The following SRBD1 variants were observed in gnomAD, a reference collection of about 807,000 sequenced individuals.
The protein encoded by SRBD1 is S1 RNA-binding domain-containing protein 1.
Under a neutral mutation model 115.3 loss-of-function variants are expected in SRBD1, and 88 were observed. The observed-to-expected ratio is 0.76, with a 90% CI of 0.64 to 0.91. SRBD1 has a LOEUF of 0.91. Ranked by LOEUF, SRBD1 falls within the 40% of genes least tolerant of loss-of-function variation. SRBD1 has a pLI of 0.00. For missense variants in SRBD1, 1,385 were observed against 1,177.4 expected (o/e 1.18, Z -2.58); for synonymous variants, 509 against 407.7 (o/e 1.25, Z -2.99).
chr2:45,444,742 T>C (rs1263507852), intron 16 of SRBD1, among the ~76,000 whole-genome samples: 1 of 152,212 alleles, frequency 6.6e-6, no homozygotes, highest in Non-Finnish European at 1.5e-5. Context: ...AATGTACTTC[T>C]CAACTGCTCA....
At chr2:45,529,506 G>A (rs1054225021) in intron 14 of SRBD1, among the ~76,000 whole-genome samples, 4 of 151,438 alleles carry the variant, frequency 2.6e-5, no homozygotes, top group African/African-American at 4.9e-5. Context: ...TTTGAACAGG[G>A]GTCCCTAACA....
intron 13 of SRBD1, 129 bp from the exon 14 acceptor site, chr2:45,546,968 T>C (rs1572759829): frequency 1.2e-6 from 1 of 817,258 alleles, no homozygotes; most frequent in East Asian, 2.6e-5. Flanking sequence ...AAGCAACCTG[T>C]CCACTGTTGC....
At chr2:45,607,496 G>C (rs1036770964) in intron 1 of SRBD1, among the ~76,000 whole-genome samples, 8 of 152,120 alleles carry the variant, frequency 5.3e-5, no homozygotes, top group Non-Finnish European at 8.8e-5. Flanking sequence ...GGGAAATGGA[G>C]GTTTTCCTAA....
intron 1 of SRBD1, among the ~76,000 whole-genome samples, chr2:45,606,928 A>C (rs536268653): frequency 6.6e-6 from 1 of 152,176 alleles, no homozygotes; most frequent in African/African-American, 2.4e-5. Flanking sequence ...AAGAGGAAAT[A>C]ATCTCTCATG....
At position 45,585,650 on chromosome 2, in the gene SRBD1, G is replaced by A. The variant is rs751597016; in HGVS notation, c.773C>T (p.Ala258Val). 2.5e-6 allele frequency: 4 copies of A among 1,611,660 alleles called. No individual in the cohort carries two copies. In the South Asian group the frequency reaches 3.3e-5, roughly 13 times the overall value. The change falls in exon 5 of 21, where the codon GCT becomes GTT. Residue 258 changes from alanine (A) to valine (V), a missense_variant. By Grantham distance (64) the Ala-to-Val change is moderately conservative. Transcript: ENST00000263736. ...YRKELINNLD[A>V]DSLREVQQTL... Reference sequence around the variant, plus strand: ...TTGCTGAACTTCTCTCAAGGAATCAGCATCAAGGTTATTAATGAGCTCTTT... The same window carrying A: ...TTGCTGAACTTCTCTCAAGGAATCAACATCAAGGTTATTAATGAGCTCTTT...
At chr2:45,482,589 G>C (rs545971770) in intron 15 of SRBD1, among the ~76,000 whole-genome samples, 117 of 148,862 alleles carry the variant, frequency 7.9e-4, no homozygotes, top group Non-Finnish European at 1.5e-3. Flanking sequence ...TCAAATCATG[G>C]AGAAAAACCT....
chr2:45,408,683 G>T (rs943276233), intron 19 of SRBD1, among the ~76,000 whole-genome samples: 2 of 152,122 alleles, frequency 1.3e-5, no homozygotes, highest in African/African-American at 4.8e-5. Context: ...GAGCCACAAA[G>T]ACTTTTAAGC....
intron 4 of SRBD1, among the ~76,000 whole-genome samples, chr2:45,595,357 A>G (rs528675114): frequency 3.2e-4 from 48 of 152,240 alleles, no homozygotes; most frequent in Non-Finnish European, 5.7e-4. Context: ...ACATTTCCAC[A>G]TGTTCAACTA....
At chr2:45,486,330 T>C (rs1670117760) in intron 15 of SRBD1, among the ~76,000 whole-genome samples, 1 of 152,208 alleles carries the variant, frequency 6.6e-6, no homozygotes, top group South Asian at 2.1e-4. Context: ...GATTTTATTT[T>C]TTTATAAATG....
intron 16 of SRBD1, among the ~76,000 whole-genome samples, chr2:45,456,377 A>G (rs3770264): frequency 0.046 from 7,066 of 152,014 alleles, 323 homozygotes; most frequent in East Asian, 0.15. Context: ...TCAAATGTCC[A>G]GCAAGTAAGT....
chr2:45,558,079 T>G (rs1375479808), intron 10 of SRBD1, among the ~76,000 whole-genome samples: 3 of 152,162 alleles, frequency 2.0e-5, no homozygotes, highest in Admixed American at 6.5e-5. Context: ...CAGTTTCCCT[T>G]AAACCTACTA....
chr2:45,574,493 G>C (rs150777674), intron 8 of SRBD1, 134 bp downstream of exon 8: 3 of 718,652 alleles, frequency 4.2e-6, no homozygotes, highest in South Asian at 2.0e-5. Flanking sequence ...TCTGTTGTTT[G>C]AACAAAGAGT....
At chr2:45,604,136 T>G (rs1674188173) in intron 2 of SRBD1, among the ~76,000 whole-genome samples, 1 of 152,066 alleles carries the variant, frequency 6.6e-6, no homozygotes, top group African/African-American at 2.4e-5. Flanking sequence ...AATAATCTCC[T>G]TAACTCATTT....
At chr2:45,516,394 C>T (rs942352849) in intron 14 of SRBD1, among the ~76,000 whole-genome samples, 3 of 152,138 alleles carry the variant, frequency 2.0e-5, no homozygotes, top group African/African-American at 7.2e-5. Context: ...TATGCACATG[C>T]AATAAGATAC....
intron 19 of SRBD1, among the ~76,000 whole-genome samples, chr2:45,410,194 G>C (rs189370877): frequency 1.3e-5 from 2 of 152,286 alleles, no homozygotes; most frequent in African/African-American, 4.8e-5. Flanking sequence ...AAACCACATA[G>C]ATCTTTCCAC....
intron 9 of SRBD1, among the ~76,000 whole-genome samples, chr2:45,571,375 G>A (rs55703923): frequency 0.21 from 31,419 of 151,362 alleles, 5,724 homozygotes; most frequent in African/African-American, 0.5. Context: ...GCCACACATA[G>A]CAAACAAAAT....
In SRBD1 at chr2:45,532,706, A is replaced by G. The variant is rs141376659; in HGVS notation, c.1874+14026T>C. On this transcript the variant is annotated intron_variant, in intron 14 of 20. Coordinates refer to ENST00000263736, the MANE Select transcript of SRBD1 (RefSeq NM_018079.5). The stretch of plus-strand genomic sequence containing the variant: ...TGGGCGTAACCTTAGAAATGTACGG[A>G]TGTGGGGAACTTAAAAGAGGTATTT... 2.6e-5 allele frequency among the ~76,000 whole-genome samples: 4 copies of G among 151,870 alleles called. No individual in the cohort carries two copies. The East Asian group carries it at 7.7e-4, about 29-fold the overall frequency.
At chr2:45,450,038 T>G (rs986218682) in intron 16 of SRBD1, among the ~76,000 whole-genome samples, 2 of 152,046 alleles carry the variant, frequency 1.3e-5, no homozygotes, top group African/African-American at 4.8e-5. Flanking sequence ...GCCCAAACAC[T>G]TGGAAGTGAA....
chr2:45,459,943 T>C (rs1184609624), intron 16 of SRBD1, among the ~76,000 whole-genome samples: 1 of 152,168 alleles, frequency 6.6e-6, no homozygotes, highest in Non-Finnish European at 1.5e-5. Context: ...CAGGGAAATT[T>C]TCACTAAACA....
Sources: gnomAD v4.1 joint callset for allele counts (sites outside exome capture counted in the v4.1 genomes callset) on GRCh38, gnomAD v4.1.1 for gene constraint, MANE v1.5 for transcripts, NCBI Gene and HGNC (gene_info 2026-07-23, HGNC 2026-07-21) for gene names.